AKAP10: variants seen among roughly 807,000 people sequenced by gnomAD.
AKAP10 encodes the protein A-kinase anchor protein 10, mitochondrial.
AKAP10 carries 24 observed loss-of-function variants against 80.8 expected under a neutral mutation model. The ratio of observed to expected loss-of-function variants is 0.30; its 90% CI spans 0.22 to 0.42. The LOEUF (loss-of-function observed/expected upper bound fraction) is 0.42, where lower values mean the gene tolerates loss of function less well. AKAP10 is among the 10% of genes least tolerant of loss of function. AKAP10 has a pLI of 1.00. For synonymous variants in AKAP10, 291 were observed against 277.7 expected (o/e 1.05, Z -0.48); for missense variants, 661 against 794.9 (o/e 0.83, Z 2.03).
At chr17:19,977,528 C>G in intron 1 of AKAP10, 64 bp downstream of exon 1, 5 of 1,186,422 alleles carry the variant, frequency 4.2e-6, no homozygotes, top group Non-Finnish European at 5.3e-6. Context: ...CCCTCGCAGG[C>G]CCACCTGCCC....
intron 14 of AKAP10, 118 bp from the exon 15 acceptor site, chr17:19,906,350 A>G: frequency 9.1e-7 from 1 of 1,104,576 alleles, no homozygotes; most frequent in Non-Finnish European, 1.3e-6. Flanking sequence ...AGTTTAAGAC[A>G]GCCAGAAGCT....
chr17:19,961,215 G>A (rs916253042), intron 3 of AKAP10, among the ~76,000 whole-genome samples: 11 of 151,034 alleles, frequency 7.3e-5, no homozygotes, highest in African/African-American at 1.7e-4. Flanking sequence ...TTAGCCAGGC[G>A]TGGTGGTGCA....
chr17:19,947,192 C>A lies in AKAP10; in HGVS notation c.976+215G>T. On this transcript the variant is annotated intron_variant, in intron 5 of 14. Coordinates refer to ENST00000225737, the MANE Select transcript of AKAP10 (RefSeq NM_007202.4). ...GGCCTGAGCACCCGCTACACTGCAG[C>A]CCATCTGGCCCAGGCAAAGACCCTC... The A allele has an allele frequency of 5.8e-6, 3 of 520,434 alleles. No individual in the cohort carries two copies. The South Asian group carries it at 6.3e-5, about 11-fold the overall frequency. 32.2% of individuals were successfully genotyped at this position (520,434 alleles called of 1,614,324 possible).
At chr17:19,937,039 T>C (rs1481951687) in intron 8 of AKAP10, among the ~76,000 whole-genome samples, 2 of 151,576 alleles carry the variant, frequency 1.3e-5, no homozygotes. Flanking sequence ...CTTGATGGGG[T>C]ATAATGCAGG....
rs1316774235 is a variant in AKAP10 at position 19,905,052 on chromosome 17, AG to A, written c.*1174del. 1 of 150,068 alleles carries A rather than the reference AG, an allele frequency of 6.7e-6. No homozygotes were observed. The highest frequency in any genetic ancestry group is 2.5e-5 in the African/African-American group (1 of 40,772). 9.3% of individuals were successfully genotyped at this position (150,068 alleles called of 1,614,324 possible). A position where few individuals can be genotyped will look rare whatever the true frequency, so the allele number is the denominator to read the frequency against. On this transcript the variant is annotated 3_prime_UTR_variant, in exon 15 of 15. Transcript: ENST00000225737. ...TATATTTTTTTTTTTGCAAAGTCTG[AG>A]CAAAAGCAGTAACATCTAAGAGAAC... is the stretch of plus-strand genomic sequence containing the variant.
At chr17:19,925,682 C>T (rs2042868764) in intron 10 of AKAP10, among the ~76,000 whole-genome samples, 1 of 149,230 alleles carries the variant, frequency 6.7e-6, no homozygotes, top group African/African-American at 2.4e-5. Flanking sequence ...AATAATTGAA[C>T]AGACACTTAT....
At chr17:19,972,405 G>C (rs2043509360) in intron 1 of AKAP10, among the ~76,000 whole-genome samples, 1 of 152,096 alleles carries the variant, frequency 6.6e-6, no homozygotes, top group Non-Finnish European at 1.5e-5. Context: ...TTCTCTTCTA[G>C]AAGTATCTTA....
chr17:19,916,174 C>T (rs891064659), intron 12 of AKAP10, among the ~76,000 whole-genome samples: 2 of 152,258 alleles, frequency 1.3e-5, no homozygotes, highest in African/African-American at 4.8e-5. Context: ...CAAAATGCCA[C>T]CTCCTCAGTG....
chr17:19,962,390 C>T (rs922103774), intron 3 of AKAP10, among the ~76,000 whole-genome samples: 3 of 151,956 alleles, frequency 2.0e-5, no homozygotes, highest in Non-Finnish European at 2.9e-5. Context: ...GCCTAAATGA[C>T]ATGCATATTT....
In AKAP10 at chr17:19,931,935, T is replaced by G; in HGVS notation, c.1511A>C (p.Tyr504Ser). ...GFLSSNLYYKYLNDLIHSVRG... is the reference protein window; with the variant it reads ...GFLSSNLYYKSLNDLIHSVRG... Reference sequence around the variant, plus strand: ...AACCGAATGGATGAGATCATTCAAATATTTATAATAAAGATTGCTGGACAA... The same window carrying G: ...AACCGAATGGATGAGATCATTCAAAGATTTATAATAAAGATTGCTGGACAA... Residue 504 changes from tyrosine to serine, a missense_variant, in exon 10 of 15, where the codon TAT becomes TCT. Transcript: ENST00000225737. 1 of 1,613,972 alleles carries G rather than the reference T, an allele frequency of 6.2e-7. No homozygotes were observed. The highest frequency in any genetic ancestry group is 8.5e-7 in the Non-Finnish European group (1 of 1,179,976).
intron 6 of AKAP10, 41 bp downstream of exon 6, chr17:19,941,785 A>G (rs771990772): frequency 1.4e-6 from 2 of 1,454,280 alleles, no homozygotes; most frequent in East Asian, 5.0e-5. Flanking sequence ...ATGAACCCAA[A>G]TTCCCTAGGA....
Position 19,958,316 on chromosome 17 carries a change from T to A in AKAP10, c.575A>T (p.His192Leu). 2 of 1,614,258 alleles carry A rather than the reference T, an allele frequency of 1.2e-6. No homozygotes were observed. ...LAEPVSPSKK[H>L]ETTASFLTDS... is the part of the protein sequence containing the mutation. ...AGTTAAAAAAGACGCTGTAGTTTCA[T>A]GCTTTTTAGATGGAGAGACAGGCTC... is the stretch of plus-strand genomic sequence containing the variant. Residue 192 changes from histidine (H) to leucine (L), a missense_variant, in exon 4 of 15, where the codon CAT becomes CTT. By Grantham distance (99) the His-to-Leu change is moderately conservative. Coordinates refer to ENST00000225737, the MANE Select transcript of AKAP10 (RefSeq NM_007202.4).
intron 4 of AKAP10, among the ~76,000 whole-genome samples, chr17:19,948,518 C>T (rs1228418125): frequency 6.6e-6 from 1 of 152,040 alleles, no homozygotes; most frequent in Non-Finnish European, 1.5e-5. Context: ...TCCAAGAATC[C>T]TACTTTCTGA....
chr17:19,912,611 G>T (rs971961871), intron 12 of AKAP10, among the ~76,000 whole-genome samples: 5 of 151,986 alleles, frequency 3.3e-5, no homozygotes, highest in African/African-American at 9.7e-5. Flanking sequence ...TCAGCTACTC[G>T]AGAGGCTGAG....
chr17:19,961,640 G>A (rs1342298764), intron 3 of AKAP10, among the ~76,000 whole-genome samples: 2 of 152,148 alleles, frequency 1.3e-5, no homozygotes, highest in Non-Finnish European at 2.9e-5. Context: ...AACATGACAT[G>A]CAATTTTCTA....
At chr17:19,913,432 G>A (rs970399125) in intron 12 of AKAP10, among the ~76,000 whole-genome samples, 24 of 151,706 alleles carry the variant, frequency 1.6e-4, no homozygotes, top group East Asian at 3.9e-4. Flanking sequence ...GATTATAGGC[G>A]TGAGCCACCA....
At chr17:19,922,615 TA>T (rs1399257084) in intron 11 of AKAP10, among the ~76,000 whole-genome samples, 2 of 152,108 alleles carry the variant, frequency 1.3e-5, no homozygotes, top group Non-Finnish European at 2.9e-5. Flanking sequence ...ATTTAAAAAA[TA>T]CATGCTGGGT....
At chr17:19,937,456 C>T (rs1231711499) in intron 8 of AKAP10, among the ~76,000 whole-genome samples, 2 of 152,008 alleles carry the variant, frequency 1.3e-5, no homozygotes, top group African/African-American at 2.4e-5. Context: ...GAGCTGAGAT[C>T]GTGTCACTGC....
In AKAP10 at chr17:19,941,903, A is replaced by C; in HGVS notation, c.984T>G (p.Ile328Met). The change falls in exon 6 of 15, where the codon ATT (isoleucine) becomes ATG (methionine). Residue 328 changes from isoleucine (I) to methionine (M), a missense_variant. Transcript: ENST00000225737. ...EAMRNDIIAR[I>M]CGEDGQVDPN... ...GATCCACCTGTCCATCTTCTCCACA[A>C]ATCCTTGCTGCAAAAGAAGTTGTAA... The C allele has an allele frequency of 6.2e-7, 1 of 1,610,064 alleles. No individual in the cohort carries two copies. Among genetic ancestry groups the C allele is most frequent in the South Asian group, 1.1e-5 (1 of 90,196 alleles).
Sources: allele counts gnomAD v4.1 joint callset (sites outside exome capture counted in the v4.1 genomes callset), GRCh38; gene constraint gnomAD v4.1.1; transcripts MANE v1.5; gene names NCBI Gene and HGNC (gene_info 2026-07-23, HGNC 2026-07-21).